XPO6: variants seen among roughly 807,000 people sequenced by gnomAD.
XPO6 encodes exportin 6, also known as exportin-6.
XPO6 carries 3 observed loss-of-function variants against 130.0 expected under a neutral mutation model. That is an observed-to-expected ratio of 0.02 (90% CI 0.01 to 0.06). The LOEUF is 0.06. XPO6 is among the 10% of genes least tolerant of loss of function. XPO6 has a pLI of 1.00. For missense variants in XPO6, 970 were observed against 1,393.0 expected, an observed-to-expected ratio of 0.70 and a Z score of 4.83; for synonymous variants, 524 against 548.9, an observed-to-expected ratio of 0.95 and a Z score of 0.63.
intron 6 of XPO6, among the ~76,000 whole-genome samples, chr16:28,157,697 A>T (rs889845912): frequency 5.3e-5 from 8 of 152,254 alleles, no homozygotes; most frequent in Non-Finnish European, 1.2e-4. Flanking sequence ...GCATATGAAG[A>T]GATTTCAAAT....
chr16:28,119,004 G>GT (rs1251538844), intron 14 of XPO6, among the ~76,000 whole-genome samples: 1 of 152,088 alleles, frequency 6.6e-6, no homozygotes, highest in Non-Finnish European at 1.5e-5. Flanking sequence ...ATATAGGCAG[G>GT]TATCACTTTA....
At chr16:28,131,180 A>G (rs1468594150) in intron 12 of XPO6, among the ~76,000 whole-genome samples, 2 of 152,242 alleles carry the variant, frequency 1.3e-5, no homozygotes, top group Non-Finnish European at 2.9e-5. Context: ...CCCTATCTAC[A>G]AAGTCAGGGC....
intron 17 of XPO6, among the ~76,000 whole-genome samples, chr16:28,110,020 T>A (rs910534280): frequency 5.3e-5 from 8 of 152,230 alleles, no homozygotes; most frequent in African/African-American, 1.9e-4. Context: ...ATTTTCTTAT[T>A]CCTTTGGCTA....
chr16:28,189,173 AG>A (rs1351128920), intron 1 of XPO6, among the ~76,000 whole-genome samples: 2 of 150,946 alleles, frequency 1.3e-5, no homozygotes, highest in African/African-American at 4.9e-5. Context: ...CTTAAACTCC[AG>A]GGCTCAAGCG....
At chr16:28,172,785 A>G (rs539113224) in intron 4 of XPO6, among the ~76,000 whole-genome samples, 4 of 152,182 alleles carry the variant, frequency 2.6e-5, no homozygotes, top group African/African-American at 9.6e-5. Context: ...ACACAACATG[A>G]GCCAAAAAAA....
intron 4 of XPO6, among the ~76,000 whole-genome samples, chr16:28,175,671 T>C (rs544015795): frequency 2.9e-5 from 2 of 67,964 alleles, no homozygotes; most frequent in East Asian, 4.1e-4. Flanking sequence ...CTGAACAAAC[T>C]GCACAAGAGG....
At chr16:28,162,867 C>A (rs769598792) in intron 6 of XPO6, among the ~76,000 whole-genome samples, 18 of 152,128 alleles carry the variant, frequency 1.2e-4, no homozygotes, top group Non-Finnish European at 1.8e-4. Flanking sequence ...CTGTAATAAA[C>A]TTTCGTGCAA....
At chr16:28,145,470 G>A (rs1024134661) in intron 9 of XPO6, among the ~76,000 whole-genome samples, 1 of 152,088 alleles carries the variant, frequency 6.6e-6, no homozygotes, top group Non-Finnish European at 1.5e-5. Context: ...AAACCATTCC[G>A]CATTCTCTGT....
intron 6 of XPO6, among the ~76,000 whole-genome samples, chr16:28,162,144 G>C (rs2043287492): frequency 6.6e-6 from 1 of 152,230 alleles, no homozygotes; most frequent in East Asian, 1.9e-4. Flanking sequence ...TCAAAAGAAA[G>C]AAAATAGCAG....
chr16:28,203,507 T>G (rs2043983088), intron 1 of XPO6, among the ~76,000 whole-genome samples: 1 of 152,144 alleles, frequency 6.6e-6, no homozygotes, highest in Non-Finnish European at 1.5e-5. Context: ...CCAACTACCT[T>G]CATGTCAACA....
Position 28,125,765 on chromosome 16 carries a change from C to G in XPO6, c.1690G>C (p.Val564Leu). 1 of 1,614,232 alleles carries G rather than the reference C, an allele frequency of 6.2e-7. No homozygotes were observed. Among genetic ancestry groups the G allele is most frequent in the Non-Finnish European group, 8.5e-7 (1 of 1,180,048 alleles). Residue 564 changes from valine (V) to leucine (L), a missense_variant, in exon 13 of 24, where the codon GTG becomes CTG. Val to Leu is a conservative substitution (Grantham distance 32). Coordinates refer to ENST00000304658, the MANE Select transcript of XPO6 (RefSeq NM_015171.4). ...ATAAAGTACTCGGCCAGGCGGCCCA[C>G]GGCCTGCAGCAGGGAGCTCAAGTCT... ...LRDLSSLLQA[V>L]GRLAEYFIGD...
chr16:28,200,834 C>G (rs1331287338), intron 1 of XPO6, among the ~76,000 whole-genome samples: 1 of 152,176 alleles, frequency 6.6e-6, no homozygotes, highest in Non-Finnish European at 1.5e-5. Flanking sequence ...ATAATACCTA[C>G]CTGGCAGGGT....
intron 7 of XPO6, 25 bp downstream of exon 7, chr16:28,156,049 C>T: frequency 6.4e-7 from 1 of 1,571,586 alleles, no homozygotes; most frequent in Non-Finnish European, 8.6e-7. Flanking sequence ...TTGGGGCACA[C>T]CAGCTCCACA....
chr16:28,132,533 C>G lies in XPO6; in HGVS notation c.1537-130G>C. 1.7e-6 allele frequency: 1 copy of G among 605,784 alleles called. No individual in the cohort carries two copies. The highest frequency in any genetic ancestry group is 3.6e-5 in the Admixed American group (1 of 27,502). 37.5% of individuals were successfully genotyped at this position (605,784 alleles called of 1,614,324 possible). A position where few individuals can be genotyped will look rare whatever the true frequency, so the allele number is the denominator to read the frequency against. ...AGGATCAAAACCTTTTCTCTGGGAA[C>G]CTTTAAATGCAGCTAAAAAGCTATG... On this transcript the variant is annotated intron_variant, in intron 11 of 23. Transcript: ENST00000304658. This position sits in a 1 kb window ranked among gnomAD's most constrained non-coding sequence, Gnocchi z 4.0.
chr16:28,174,447 TC>T (rs2043503491), intron 4 of XPO6, among the ~76,000 whole-genome samples: 1 of 152,120 alleles, frequency 6.6e-6, no homozygotes, highest in African/African-American at 2.4e-5. Flanking sequence ...GATGCCCTCA[TC>T]CCCGCCCTGA....
intron 6 of XPO6, among the ~76,000 whole-genome samples, chr16:28,166,066 G>A (rs1383632075): frequency 6.6e-6 from 1 of 151,962 alleles, no homozygotes; most frequent in East Asian, 1.9e-4. Context: ...CCACTATGCA[G>A]GCAGAGAGGT....
At chr16:28,141,964 C>A (rs565519156) in intron 9 of XPO6, among the ~76,000 whole-genome samples, 6 of 152,344 alleles carry the variant, frequency 3.9e-5, no homozygotes, top group African/African-American at 2.4e-5. Context: ...GCTCCAATTT[C>A]CAAGCTCCTA....
chr16:28,138,392 A>G (rs1277170319), intron 9 of XPO6, among the ~76,000 whole-genome samples: 1 of 152,228 alleles, frequency 6.6e-6, no homozygotes, highest in Non-Finnish European at 1.5e-5. Flanking sequence ...GGAAATTTAG[A>G]GACTTTCTAT....
At position 28,113,118 on chromosome 16, in the gene XPO6, G is replaced by A; in HGVS notation, c.2005-68C>T. ...AGACTGGGATTCGAACTTTGCTGAG[G>A]CAGCCACAAGCTATGTGTCATTCTT... On this transcript the variant is annotated intron_variant, in intron 15 of 23. Coordinates refer to ENST00000304658, the MANE Select transcript of XPO6 (RefSeq NM_015171.4). 4 of 1,545,762 alleles carry A rather than the reference G, an allele frequency of 2.6e-6. No individual in the cohort carries two copies. The South Asian group carries it at 4.9e-5, about 19-fold the overall frequency.
Sources: allele counts gnomAD v4.1 joint callset (sites outside exome capture counted in the v4.1 genomes callset), GRCh38; gene constraint gnomAD v4.1.1; non-coding constraint Gnocchi (gnomAD v3.1); transcripts MANE v1.5; gene names NCBI Gene and HGNC (gene_info 2026-07-23, HGNC 2026-07-21).